The following CDKL3 variants were observed in gnomAD, a reference collection of about 807,000 sequenced individuals.
CDKL3 encodes cyclin dependent kinase like 3.
In CDKL3, 65 loss-of-function variants were observed where a neutral mutation model predicts 69.3. That is an observed-to-expected ratio of 0.94 (90% CI 0.77 to 1.15). The LOEUF is 1.15. CDKL3 is among the 50% of genes most tolerant of loss of function. The pLI is 0.00. For missense variants in CDKL3, 652 were observed against 689.2 expected (o/e 0.95, Z 0.61); for synonymous variants, 202 against 221.6 (o/e 0.91, Z 0.79).
intron 12 of CDKL3, among the ~76,000 whole-genome samples, 164 bp from the exon 13 acceptor site, chr5:134,298,874 T>C (rs1397400570): frequency 6.6e-6 from 1 of 152,158 alleles, no homozygotes; most frequent in Non-Finnish European, 1.5e-5. Flanking sequence ...CTTCCATCTT[T>C]TTTTTTGCGG....
At chr5:134,298,274 G>T (rs1295221884), downstream of CDKL3, 1 of 995,544 alleles carries the variant, frequency 1.0e-6, no homozygotes, top group Non-Finnish European at 1.2e-6. Context: ...ATTTTATTAA[G>T]AACTCATTTA....
In CDKL3 at chr5:134,367,168, T is replaced by C; in HGVS notation, c.-213A>G. 3 of 985,676 alleles carry C rather than the reference T, an allele frequency of 3.0e-6. No homozygotes were observed. The highest frequency in any genetic ancestry group is 1.7e-5 in the African/African-American group (1 of 57,310). The allele number at this position is 985,676 out of a possible 1,614,324, so 61.1% of individuals were successfully genotyped here. On this transcript the variant is annotated 5_prime_UTR_variant, in exon 1 of 13. Transcript: ENST00000265334. ...TGGAAACGCCGGCGGAGTTGCTGCGTTCTAGACTCGTGCGCAAGACCGGAA... is the reference window on the plus strand; with the variant it reads ...TGGAAACGCCGGCGGAGTTGCTGCGCTCTAGACTCGTGCGCAAGACCGGAA...
chr5:134,291,119 T>G (rs1765108399), intron 8 of CDKL3, among the ~76,000 whole-genome samples: 1 of 152,042 alleles, frequency 6.6e-6, no homozygotes, highest in Non-Finnish European at 1.5e-5. Context: ...AAGAATGGAG[T>G]TACCCTTAAC....
intron 12 of CDKL3, among the ~76,000 whole-genome samples, chr5:134,299,035 G>C (rs1765670023): frequency 6.6e-6 from 1 of 151,992 alleles, no homozygotes; most frequent in African/African-American, 2.4e-5. Flanking sequence ...ACAATGTCCG[G>C]CTAATTTTTT....
At chr5:134,352,435 G>A (rs1397564477) in intron 3 of CDKL3, among the ~76,000 whole-genome samples, 1 of 151,736 alleles carries the variant, frequency 6.6e-6, no homozygotes, top group South Asian at 2.1e-4. Flanking sequence ...TGAGTAGCTG[G>A]GATTACAGGG....
At chr5:134,336,194 T>C (rs568642316) in intron 4 of CDKL3, among the ~76,000 whole-genome samples, 37 of 152,216 alleles carry the variant, frequency 2.4e-4, no homozygotes, top group Non-Finnish European at 4.1e-4. Context: ...AGCTCTTCTC[T>C]ATACTGGTTA....
chr5:134,287,976 C>T (rs1764947108), intron 8 of CDKL3, among the ~76,000 whole-genome samples: 1 of 150,346 alleles, frequency 6.7e-6, no homozygotes, highest in Non-Finnish European at 1.5e-5. Flanking sequence ...CTCACCACAA[C>T]CTCTGCCTCC....
intron 8 of CDKL3, among the ~76,000 whole-genome samples, chr5:134,293,089 T>C (rs1418109665): frequency 1.4e-5 from 2 of 142,762 alleles, no homozygotes; most frequent in Non-Finnish European, 3.0e-5. Context: ...GGCATGATCT[T>C]GGCTCACCAC....
At chr5:134,297,409 A>G (rs1488987346), downstream of CDKL3, among the ~76,000 whole-genome samples, 1 of 152,164 alleles carries the variant, frequency 6.6e-6, no homozygotes, top group Non-Finnish European at 1.5e-5. Context: ...CACAGATAAA[A>G]CAATTTAACA....
intron 10 of CDKL3, among the ~76,000 whole-genome samples, chr5:134,304,769 A>G (rs1767290802): frequency 6.6e-6 from 1 of 151,086 alleles, no homozygotes; most frequent in Non-Finnish European, 1.5e-5. Context: ...CATTTCTAGC[A>G]TATTTAATAT....
In CDKL3 at chr5:134,298,656, A is replaced by G. The variant is rs757829630; in HGVS notation, c.1774T>C (p.Trp592Arg). Reference sequence around the variant, plus strand: ...ACTATGTAAAAGAAAAGACACTACCAGAAAAAAAACCTGTTTCTCTTCAAA... The same window carrying G: ...ACTATGTAAAAGAAAAGACACTACCGGAAAAAAAACCTGTTTCTCTTCAAA... ...KNLKRNRFFF[W>R] The change falls in exon 13 of 13, where the codon TGG becomes CGG. Residue 592 changes from tryptophan to arginine, a missense_variant. Transcript: ENST00000265334. The G allele has an allele frequency of 6.2e-7, 1 of 1,612,714 alleles. No homozygotes were observed. Among genetic ancestry groups the G allele is most frequent in the Admixed American group, 1.7e-5 (1 of 59,788 alleles).
intron 12 of CDKL3, 21 bp from the exon 13 acceptor site, chr5:134,298,731 A>G: frequency 6.2e-7 from 1 of 1,608,592 alleles, no homozygotes; most frequent in Non-Finnish European, 8.5e-7. Context: ...AAACCAAGCT[A>G]GTAAGAATCA....
chr5:134,367,162 G>C lies in CDKL3; in HGVS notation c.-207C>G. 1.0e-6 allele frequency: 1 copy of C among 985,800 alleles called. No individual in the cohort carries two copies. The allele number at this position is 985,800 out of a possible 1,614,324, so 61.1% of individuals were successfully genotyped here. On this transcript the variant is annotated 5_prime_UTR_variant, in exon 1 of 13. Transcript: ENST00000265334. Reference sequence around the variant, plus strand: ...CCACCATGGAAACGCCGGCGGAGTTGCTGCGTTCTAGACTCGTGCGCAAGA... The same window carrying C: ...CCACCATGGAAACGCCGGCGGAGTTCCTGCGTTCTAGACTCGTGCGCAAGA...
At chr5:134,356,392 A>G (rs933957207) in intron 3 of CDKL3, among the ~76,000 whole-genome samples, 1 of 152,228 alleles carries the variant, frequency 6.6e-6, no homozygotes, top group Non-Finnish European at 1.5e-5. Context: ...CTAACAGGCC[A>G]CAGAATGGTA....
intron 4 of CDKL3, among the ~76,000 whole-genome samples, chr5:134,343,312 A>C (rs1326650481): frequency 3.3e-5 from 5 of 152,200 alleles, no homozygotes; most frequent in African/African-American, 1.2e-4. Flanking sequence ...CCACCTTTGC[A>C]AAATTATGAC....
At chr5:134,342,607 A>G (rs916699862) in intron 4 of CDKL3, among the ~76,000 whole-genome samples, 1 of 151,998 alleles carries the variant, frequency 6.6e-6, no homozygotes, top group African/African-American at 2.4e-5. Flanking sequence ...CTCAAAAAAA[A>G]AAAAGAAAAA....
Position 134,337,910 on chromosome 5 carries a change from AGT to A in CDKL3, c.539+12337_539+12338del, listed in dbSNP as rs112074213. 9.7e-3 allele frequency among the ~76,000 whole-genome samples: 1,479 copies of A among 152,258 alleles called. 13 individuals are homozygous for A. The highest frequency in any genetic ancestry group is 0.032 in the African/African-American group (1,314 of 41,546). On this transcript the variant is annotated intron_variant, in intron 4 of 12. Transcript: ENST00000265334. ...CTATTCAGACATGTTATAACAAGTTAGTGTGAGTTTATTTTGGTGCAAAAAAA... is the reference window on the plus strand; with the variant it reads ...CTATTCAGACATGTTATAACAAGTTAGTGAGTTTATTTTGGTGCAAAAAAA...
intron 8 of CDKL3, among the ~76,000 whole-genome samples, chr5:134,290,320 A>G (rs1765071321): frequency 6.8e-6 from 1 of 147,078 alleles, no homozygotes; most frequent in Admixed American, 7.0e-5. Context: ...GCGCCACTGT[A>G]CTACAGACTG....
rs1766645949 is a variant in CDKL3 at position 134,302,696 on chromosome 5, A to G, written c.1622-9T>C. 2 of 1,404,464 alleles carry G rather than the reference A, an allele frequency of 1.4e-6. No individual in the cohort carries two copies. The highest frequency in any genetic ancestry group is 9.8e-7 in the Non-Finnish European group (1 of 1,016,894). 87.0% of individuals were successfully genotyped at this position (1,404,464 alleles called of 1,614,324 possible). ...CATTTTTATCTGTTTAACTTTTGCAAAAATATACAAAACAATGAAAATTTG... is the reference window on the plus strand; with the variant it reads ...CATTTTTATCTGTTTAACTTTTGCAGAAATATACAAAACAATGAAAATTTG... On this transcript the variant is annotated splice_polypyrimidine_tract_variant and intron_variant, in intron 11 of 12. Coordinates refer to ENST00000265334, the MANE Select transcript of CDKL3 (RefSeq NM_001113575.2).
Sources: allele counts gnomAD v4.1 joint callset (sites outside exome capture counted in the v4.1 genomes callset), GRCh38; gene constraint gnomAD v4.1.1; transcripts MANE v1.5; gene names NCBI Gene and HGNC (gene_info 2026-07-23, HGNC 2026-07-21).